RANBP2: variants seen among roughly 807,000 people sequenced by gnomAD.
RANBP2 encodes E3 SUMO-protein ligase RanBP2.
In RANBP2, 57 loss-of-function variants were observed where a neutral mutation model predicts 303.6. The ratio of observed to expected loss-of-function variants is 0.19; its 90% CI spans 0.15 to 0.23. The LOEUF is 0.23. Among genes scored for constraint, RANBP2 ranks in the 10% least tolerant of loss-of-function variants. The pLI, the probability that RANBP2 is intolerant of heterozygous loss-of-function variation, is 1.00. For missense variants in RANBP2, 3,138 were observed against 3,780.8 expected (o/e 0.83, Z 4.46); for synonymous variants, 1,167 against 1,301.5 (o/e 0.90, Z 2.23).
the RANBP2 span, among the ~76,000 whole-genome samples, chr2:109,660,202 G>A: frequency 6.6e-6 from 1 of 152,142 alleles, no homozygotes; most frequent in African/African-American, 2.4e-5. Context: ...CAGACTAGTT[G>A]GGCCAAGTCT....
the RANBP2 span, among the ~76,000 whole-genome samples, chr2:109,104,059 G>C: frequency 6.6e-6 from 1 of 152,174 alleles, no homozygotes; most frequent in Non-Finnish European, 1.5e-5. Context: ...CTCCCGAAGT[G>C]CTGAGATTAC....
the RANBP2 span, among the ~76,000 whole-genome samples, chr2:109,681,687 C>G: frequency 1.3e-5 from 2 of 152,224 alleles, no homozygotes; most frequent in African/African-American, 4.8e-5. Flanking sequence ...CAGGAGACAG[C>G]AGTGAGGCCA....
the RANBP2 span, among the ~76,000 whole-genome samples, chr2:109,674,562 G>A: frequency 4.0e-4 from 61 of 151,942 alleles, no homozygotes; most frequent in African/African-American, 1.4e-3. Context: ...CAGCCTTGGC[G>A]ACAGAATGAG....
chr2:109,263,331 A>G, the RANBP2 span, among the ~76,000 whole-genome samples: 59 of 152,210 alleles, frequency 3.9e-4, no homozygotes, highest in African/African-American at 1.4e-3. Flanking sequence ...TGGGTAGATC[A>G]ACTAGCATCA....
At chr2:109,545,523 C>G in the RANBP2 span, 1 of 1,535,988 alleles carries the variant, frequency 6.5e-7, no homozygotes, top group Non-Finnish European at 8.7e-7. Flanking sequence ...CACAGGAGTT[C>G]GAATCGACAG....
chr2:109,611,111 T>C, the RANBP2 span, among the ~76,000 whole-genome samples: 1 of 152,222 alleles, frequency 6.6e-6, no homozygotes. Context: ...CAACAAATGG[T>C]GCTGGAGCAA....
the RANBP2 span, among the ~76,000 whole-genome samples, chr2:109,425,513 G>T: frequency 3.9e-4 from 59 of 152,324 alleles, no homozygotes; most frequent in African/African-American, 1.4e-3. Flanking sequence ...GGCTAATGCA[G>T]CTGGTGACTC....
At chr2:109,582,926 G>A in the RANBP2 span, among the ~76,000 whole-genome samples, 1 of 152,144 alleles carries the variant, frequency 6.6e-6, no homozygotes, top group East Asian at 1.9e-4. Context: ...AAGCAATGGG[G>A]AAAGGACTCT....
At chr2:108,843,315 G>A in the RANBP2 span, among the ~76,000 whole-genome samples, 2 of 151,948 alleles carry the variant, frequency 1.3e-5, no homozygotes, top group South Asian at 4.2e-4. Context: ...CCACCACCAT[G>A]CCTGTCTACT....
chr2:109,594,556 GTA>G, the RANBP2 span: 1 of 150,868 alleles, frequency 6.6e-6, no homozygotes, highest in East Asian at 2.0e-4. Context: ...GTTCTCCTCT[GTA>G]TACTACAGTG....
the RANBP2 span, chr2:109,614,878 A>G: frequency 7.0e-7 from 1 of 1,423,132 alleles, no homozygotes; most frequent in Non-Finnish European, 9.1e-7. Flanking sequence ...CTCCCTGGAC[A>G]GGGCCGCGAG....
At chr2:108,887,197 T>C in the RANBP2 span, among the ~76,000 whole-genome samples, 46 of 35,048 alleles carry the variant, frequency 1.3e-3, no homozygotes, top group African/African-American at 2.6e-3. Context: ...GCCATAAATA[T>C]GTGTCTTATT....
At chr2:109,243,637 G>A in the RANBP2 span, among the ~76,000 whole-genome samples, 1 of 152,134 alleles carries the variant, frequency 6.6e-6, no homozygotes, top group South Asian at 2.1e-4. Flanking sequence ...TCTAAACTGA[G>A]AGCTGAAGAT....
the RANBP2 span, among the ~76,000 whole-genome samples, chr2:109,459,203 G>C: frequency 2.0e-5 from 3 of 152,110 alleles, no homozygotes; most frequent in African/African-American, 7.2e-5. Flanking sequence ...TGAGATAAGA[G>C]AGAGAAGAAA....
chr2:108,925,975 C>T, the RANBP2 span, among the ~76,000 whole-genome samples: 1 of 152,198 alleles, frequency 6.6e-6, no homozygotes. Context: ...TGTCCTTCCT[C>T]ACCCAGTGAG....
chr2:109,188,156 G>A, the RANBP2 span, among the ~76,000 whole-genome samples: 1 of 152,252 alleles, frequency 6.6e-6, no homozygotes, highest in African/African-American at 2.4e-5. Context: ...TTACAGCAGT[G>A]TATTGACTTC....
the RANBP2 span, among the ~76,000 whole-genome samples, chr2:109,302,305 C>T: frequency 6.6e-6 from 1 of 152,194 alleles, no homozygotes; most frequent in South Asian, 2.1e-4. Context: ...TCCATAACAG[C>T]ATATCTGTGA....
the RANBP2 span, among the ~76,000 whole-genome samples, chr2:109,199,612 T>TC: frequency 0.045 from 15 of 334 alleles, no homozygotes; most frequent in Non-Finnish European, 0.062. Flanking sequence ...TGGAATGGAA[T>TC]GGAATGGAAT....
At position 108,719,516 on chromosome 2, in the gene RANBP2, C is replaced by A; in HGVS notation, c.-91C>A. 1 of 1,541,360 alleles carries A rather than the reference C, an allele frequency of 6.5e-7. No homozygotes were observed. Among genetic ancestry groups the A allele is most frequent in the Non-Finnish European group, 8.8e-7 (1 of 1,142,716 alleles). ...CTCCGCCGGCTACGGCGCTGCGTCA[C>A]TGGTTTGCAGGCGCTTTCCTCTTGG... On this transcript the variant is annotated 5_prime_UTR_variant, in exon 1 of 29. The change creates a new upstream start codon in the 5' untranslated region. Transcript: ENST00000283195.
Sources: gnomAD v4.1 joint callset for allele counts (sites outside exome capture counted in the v4.1 genomes callset) on GRCh38, gnomAD v4.1.1 for gene constraint, MANE v1.5 for transcripts, NCBI Gene and HGNC (gene_info 2026-07-23, HGNC 2026-07-21) for gene names.